The following UNC13C variants were observed in gnomAD, a reference collection of about 807,000 sequenced individuals.
UNC13C encodes the protein protein unc-13 homolog C.
A neutral mutation model predicts 245.4 loss-of-function variants in UNC13C; 174 were observed. The observed-to-expected ratio is 0.71, with a 90% confidence interval of 0.63 to 0.80. The LOEUF (loss-of-function observed/expected upper bound fraction) is 0.80. Ranked by LOEUF, UNC13C falls within the 30% of genes least tolerant of loss-of-function variation. The pLI, the probability that UNC13C is intolerant of heterozygous loss-of-function variation, is 0.00. For synonymous variants in UNC13C, 992 were observed against 895.1 expected (o/e 1.11, Z -1.93); for missense variants, 2,829 against 2,602.9 (o/e 1.09, Z -1.89).
chr15:54,109,493 C>T (rs1022317181), intron 2 of UNC13C, among the ~76,000 whole-genome samples: 6 of 151,432 alleles, frequency 4.0e-5, no homozygotes, highest in African/African-American at 1.5e-4. Flanking sequence ...AGGCATGCAC[C>T]ACCACGCCCA....
chr15:54,502,396 A>AT (rs1053054776), intron 22 of UNC13C, among the ~76,000 whole-genome samples: 2 of 152,200 alleles, frequency 1.3e-5, no homozygotes, highest in Non-Finnish European at 2.9e-5. Context: ...GCCATGAAAT[A>AT]TTCTGATCTC....
the UNC13C span, among the ~76,000 whole-genome samples, chr15:53,901,539 T>A: frequency 3.3e-5 from 5 of 152,202 alleles, no homozygotes; most frequent in African/African-American, 9.6e-5. Flanking sequence ...AGATCTCTAT[T>A]ACTTGGATGT....
At chr15:54,613,581 C>G (rs545695778) in intron 30 of UNC13C, among the ~76,000 whole-genome samples, 1 of 151,908 alleles carries the variant, frequency 6.6e-6, no homozygotes, top group African/African-American at 2.4e-5. Flanking sequence ...TAAAGACATT[C>G]AAATGTAAGT....
Position 54,051,014 on chromosome 15 carries a change from T to C in UNC13C, c.2983+35128T>C, listed in dbSNP as rs1270694052. On this transcript the variant is annotated intron_variant, in intron 2 of 32. Transcript: ENST00000260323. ...TCGATCTCCTGGTCACCATAGTGACTTCTTGACTATTAGTCTTTTAACTAT... is the reference window on the plus strand; with the variant it reads ...TCGATCTCCTGGTCACCATAGTGACCTCTTGACTATTAGTCTTTTAACTAT... 4.2e-5 allele frequency: 17 copies of C among 408,084 alleles called. 1 individual carries two copies. Among genetic ancestry groups the C allele is most frequent in the South Asian group, 2.5e-4 (12 of 48,666 alleles). The allele number at this position is 408,084 out of a possible 1,614,324, so 25.3% of individuals were successfully genotyped here.
the UNC13C span, among the ~76,000 whole-genome samples, chr15:53,879,643 C>T: frequency 1.8e-4 from 27 of 152,080 alleles, 1 homozygote; most frequent in South Asian, 3.7e-3. Context: ...GGCTGGAGTG[C>T]GGTGGCACTA....
intron 10 of UNC13C, among the ~76,000 whole-genome samples, chr15:54,281,846 G>A (rs2037005536): frequency 6.6e-6 from 1 of 152,138 alleles, no homozygotes; most frequent in South Asian, 2.1e-4. Context: ...GGAACCAAAA[G>A]TGAACTCTCA....
chr15:54,220,608 TAAAA>T (rs71132788), intron 4 of UNC13C, among the ~76,000 whole-genome samples: 1 of 151,030 alleles, frequency 6.6e-6, no homozygotes, highest in East Asian at 1.9e-4. Flanking sequence ...ATAATAAAAA[TAAAA>T]AAAATTAAAA....
chr15:54,265,476 A>T lies in UNC13C; in HGVS notation c.3798A>T (p.Val1266=). 1.3e-6 allele frequency: 2 copies of T among 1,550,042 alleles called. No individual in the cohort carries two copies. The highest frequency in any genetic ancestry group is 1.7e-6 in the Non-Finnish European group (2 of 1,144,348). Residue 1266 remains valine, a synonymous_variant, in exon 10 of 33, where the codon GTA becomes GTT. Transcript: ENST00000260323. The part of the protein sequence containing the change: ...TKTIFGNLNP[V]WDEKFYFECH... ...CCATTTTTGGAAATTTGAATCCAGT[A>T]TGGGATGAGAAGTTTTATTTGTGAG... is the stretch of plus-strand genomic sequence containing the variant.
chr15:54,552,524 T>C (rs1366951759), intron 28 of UNC13C, among the ~76,000 whole-genome samples: 3 of 7,828 alleles, frequency 3.8e-4, no homozygotes, highest in African/African-American at 6.8e-4. Context: ...ATATATTATA[T>C]ATAATAATAT....
chr15:53,868,018 A>T, the UNC13C span, among the ~76,000 whole-genome samples: 1 of 152,118 alleles, frequency 6.6e-6, no homozygotes. Flanking sequence ...ATATATTTGT[A>T]GAGGAGGGGT....
intron 17 of UNC13C, among the ~76,000 whole-genome samples, chr15:54,359,126 G>A (rs77455909): frequency 0.047 from 7,185 of 151,750 alleles, 253 homozygotes; most frequent in Admixed American, 0.11. Flanking sequence ...GATGTATTAC[G>A]TTTATTGATT....
At chr15:54,369,196 C>T (rs569301) in intron 17 of UNC13C, among the ~76,000 whole-genome samples, 30,758 of 136,588 alleles carry the variant, frequency 0.23, 3,293 homozygotes, top group Middle Eastern at 0.27. Flanking sequence ...TAACCTCCCC[C>T]CCCCAAAAAA....
intron 18 of UNC13C, among the ~76,000 whole-genome samples, chr15:54,403,053 C>G (rs1261849932): frequency 1.3e-5 from 2 of 152,170 alleles, no homozygotes; most frequent in Non-Finnish European, 2.9e-5. Context: ...GCCTTAAGCT[C>G]CCTGCCCTGC....
chr15:53,858,106 T>C, the UNC13C span, among the ~76,000 whole-genome samples: 2 of 152,208 alleles, frequency 1.3e-5, no homozygotes, highest in Non-Finnish European at 1.5e-5. Flanking sequence ...ATGAATGTCA[T>C]ATGTCATGTT....
At chr15:54,193,267 C>T (rs2034246791) in intron 4 of UNC13C, among the ~76,000 whole-genome samples, 1 of 152,140 alleles carries the variant, frequency 6.6e-6, no homozygotes, top group Non-Finnish European at 1.5e-5. Flanking sequence ...AATTCACCCT[C>T]AATTACTACT....
At chr15:54,398,002 G>A (rs918203029) in intron 18 of UNC13C, among the ~76,000 whole-genome samples, 8 of 151,372 alleles carry the variant, frequency 5.3e-5, no homozygotes, top group African/African-American at 9.6e-5. Context: ...ACTAAAATTA[G>A]TGAAGAGCAG....
chr15:53,930,630 T>C, the UNC13C span, among the ~76,000 whole-genome samples: 8,419 of 152,176 alleles, frequency 0.055, 397 homozygotes, highest in East Asian at 0.22. Flanking sequence ...CTGGGAAAAA[T>C]TGTTCCTCAG....
At chr15:54,048,864 C>G (rs141019356) in intron 2 of UNC13C, 2 of 248,350 alleles carry the variant, frequency 8.1e-6, no homozygotes, top group African/African-American at 4.7e-5. Flanking sequence ...ATCCCTTTCA[C>G]GTAATGTTTT....
intron 13 of UNC13C, among the ~76,000 whole-genome samples, chr15:54,301,557 TGTTA>T (rs747053072): frequency 6.6e-6 from 1 of 152,142 alleles, no homozygotes; most frequent in Non-Finnish European, 1.5e-5. Flanking sequence ...TCTGTTCTTG[TGTTA>T]GTTTGCTGAG....
Sources: gnomAD v4.1 joint callset for allele counts (sites outside exome capture counted in the v4.1 genomes callset) on GRCh38, gnomAD v4.1.1 for gene constraint, MANE v1.5 for transcripts, NCBI Gene and HGNC (gene_info 2026-07-23, HGNC 2026-07-21) for gene names.